Variants in MEIS1 observed in about 807,000 individuals in gnomAD.
The protein encoded by MEIS1 is homeobox protein Meis1.
MEIS1 carries 5 observed loss-of-function variants against 50.8 expected under a neutral mutation model. The ratio of observed to expected loss-of-function variants is 0.10; its 90% CI spans 0.05 to 0.21. The LOEUF (loss-of-function observed/expected upper bound fraction) is 0.21, where lower values mean the gene tolerates loss of function less well. MEIS1 is among the 10% of genes least tolerant of loss of function. MEIS1 has a pLI of 1.00. For synonymous variants in MEIS1, 176 were observed against 179.3 expected (o/e 0.98, Z 0.15); for missense variants, 318 against 517.3 (o/e 0.61, Z 3.74).
chr2:66,526,687 A>G (rs1202554992), intron 8 of MEIS1, among the ~76,000 whole-genome samples: 1 of 152,158 alleles, frequency 6.6e-6, no homozygotes, highest in Non-Finnish European at 1.5e-5. Flanking sequence ...TGAAGACCAA[A>G]TTTTCACAAA....
In MEIS1 at chr2:66,573,511, A is replaced by G. The variant is rs979157949; in HGVS notation, c.*2303A>G. The G allele has an allele frequency of 5.9e-5, 9 of 152,166 alleles. No individual in the cohort carries two copies. The highest frequency in any genetic ancestry group is 1.9e-4 in the African/African-American group (8 of 41,436). The allele number at this position is 152,166 out of a possible 1,614,324, so 9.4% of individuals were successfully genotyped here. ...CTATAAACCGGCCCTTAGCAATTCT[A>G]TTTTCTATTCGAAAAGAGAAACCAG... On this transcript the variant is annotated 3_prime_UTR_variant, in exon 13 of 13. Transcript: ENST00000272369.
rs778905513 is a variant in MEIS1, at chr2:66,464,063, G to T, written c.631-46G>T. ...ATGCCATGGGATCCTACCAATAAGG[G>T]TTCACAGATGCCTCTTATTTGGGTT... On this transcript the variant is annotated intron_variant, in intron 6 of 12. Coordinates refer to ENST00000272369, the MANE Select transcript of MEIS1 (RefSeq NM_002398.3). 3.6e-6 allele frequency: 5 copies of T among 1,393,932 alleles called. No homozygotes were observed. In the African/African-American group the frequency reaches 5.7e-5, roughly 16 times the overall value. The allele number at this position is 1,393,932 out of a possible 1,614,324, so 86.3% of individuals were successfully genotyped here. A position where few individuals can be genotyped will look rare whatever the true frequency, so the allele number is the denominator to read the frequency against.
chr2:66,504,993 G>C (rs753965627), intron 7 of MEIS1, among the ~76,000 whole-genome samples: 2 of 152,172 alleles, frequency 1.3e-5, no homozygotes, highest in Non-Finnish European at 2.9e-5. Context: ...CAAAAGTGAG[G>C]CCAAGGAGTT....
intron 7 of MEIS1, among the ~76,000 whole-genome samples, chr2:66,472,319 T>TAA (rs1672780807): frequency 6.6e-6 from 1 of 152,164 alleles, no homozygotes. Flanking sequence ...CCCAAGGAGA[T>TAA]AAAAAGAGTT....
chr2:66,525,307 T>C (rs1295363720), intron 8 of MEIS1, among the ~76,000 whole-genome samples: 1 of 152,184 alleles, frequency 6.6e-6, no homozygotes, highest in Non-Finnish European at 1.5e-5. Flanking sequence ...TTTTTAAAAA[T>C]GTAGATTCTG....
At chr2:66,483,216 A>ATTT (rs774480552) in intron 7 of MEIS1, among the ~76,000 whole-genome samples, 1 of 121,194 alleles carries the variant, frequency 8.3e-6, no homozygotes, top group African/African-American at 3.1e-5. Flanking sequence ...AGTTATGCTT[A>ATTT]TTTTTTTTTT....
chr2:66,459,514 C>G (rs956048699), intron 6 of MEIS1, among the ~76,000 whole-genome samples: 2 of 152,166 alleles, frequency 1.3e-5, no homozygotes, highest in Non-Finnish European at 1.5e-5. Flanking sequence ...AAACTGACAC[C>G]ATGTCTGACC....
intron 10 of MEIS1, 132 bp from the exon 11 acceptor site, chr2:66,568,535 A>G (rs1366980975): frequency 4.4e-6 from 3 of 675,772 alleles, no homozygotes; most frequent in Non-Finnish European, 7.7e-6. Context: ...TTCACTTTGA[A>G]TGTTTAAAAA....
chr2:66,440,565 C>A lies in MEIS1; in HGVS notation c.385C>A (p.Arg129Ser). 2 of 1,612,620 alleles carry A rather than the reference C, an allele frequency of 1.2e-6. No individual in the cohort carries two copies. The highest frequency in any genetic ancestry group is 1.7e-6 in the Non-Finnish European group (2 of 1,179,194). Reference sequence around the variant, plus strand: ...TCTCCTTCTCACTTGTATTTAGATTCGCGCAGAAAAACCTCTATTTTCTTC... The same window carrying A: ...TCTCCTTCTCACTTGTATTTAGATTAGCGCAGAAAAACCTCTATTTTCTTC... ...EDIAVFAKQI[R>S]AEKPLFSSNP... The change falls in exon 4 of 13, where the codon CGC (arginine) becomes AGC (serine). Residue 129 changes from arginine (R) to serine (S), a missense_variant. By Grantham distance (110) the Arg-to-Ser change is moderately radical. Around this residue, in one of 6 missense-constraint regions of MEIS1, gnomAD observed 75 missense variants for 153.7 expected, o/e 0.49. Coordinates refer to ENST00000272369, the MANE Select transcript of MEIS1 (RefSeq NM_002398.3).
chr2:66,508,858 G>A (rs977273578), intron 7 of MEIS1: 1 of 377,656 alleles, frequency 2.6e-6, no homozygotes, highest in Non-Finnish European at 5.5e-6. Flanking sequence ...GAGGCTGTAA[G>A]CTTGTTTATG....
At chr2:66,548,278 C>T (rs1208784292) in intron 9 of MEIS1, among the ~76,000 whole-genome samples, 2 of 152,138 alleles carry the variant, frequency 1.3e-5, no homozygotes, top group Non-Finnish European at 2.9e-5. Context: ...TTCACATTCA[C>T]TATGGCTCTG....
intron 8 of MEIS1, among the ~76,000 whole-genome samples, chr2:66,530,354 G>A (rs1674359973): frequency 6.6e-6 from 1 of 152,172 alleles, no homozygotes; most frequent in African/African-American, 2.4e-5. Flanking sequence ...ATGTTAAAAT[G>A]AAGGTAATAG....
chr2:66,523,072 T>G (rs1359497845), intron 8 of MEIS1, among the ~76,000 whole-genome samples: 1 of 152,220 alleles, frequency 6.6e-6, no homozygotes, highest in Non-Finnish European at 1.5e-5. Flanking sequence ...GTGTGAGCAG[T>G]TTCCTAATTC....
chr2:66,436,489 T>C, intron 1 of MEIS1, among the ~76,000 whole-genome samples: 1 of 152,226 alleles, frequency 6.6e-6, no homozygotes, highest in East Asian at 1.9e-4. Context: ...CCATATTCCT[T>C]TTTCAATGGA....
At chr2:66,556,120 T>A (rs1028392092) in intron 9 of MEIS1, among the ~76,000 whole-genome samples, 2 of 152,228 alleles carry the variant, frequency 1.3e-5, no homozygotes, top group Admixed American at 1.3e-4. Context: ...GGCTGTCCTG[T>A]TCAATGCCCT....
At chr2:66,542,935 A>T (rs571780709) in intron 8 of MEIS1, among the ~76,000 whole-genome samples, 2 of 152,186 alleles carry the variant, frequency 1.3e-5, no homozygotes, top group East Asian at 3.9e-4. Flanking sequence ...ACTGCATTCT[A>T]CAGAGTCTGT....
Position 66,567,421 on chromosome 2 carries a change from A to C in MEIS1, c.966-32A>C, listed in dbSNP as rs1358741469. 5 of 1,607,108 alleles carry C rather than the reference A, an allele frequency of 3.1e-6. No homozygotes were observed. In the South Asian group the frequency reaches 5.5e-5, roughly 18 times the overall value. On this transcript the variant is annotated intron_variant, in intron 9 of 12. Coordinates refer to ENST00000272369, the MANE Select transcript of MEIS1 (RefSeq NM_002398.3). ...TCAACCCCCCCTTTTATTTTTAAGG[A>C]ATAACGATTTGTTTCACTTTCTTGG...
At chr2:66,527,008 C>T (rs551744190) in intron 8 of MEIS1, among the ~76,000 whole-genome samples, 4 of 152,268 alleles carry the variant, frequency 2.6e-5, no homozygotes, top group Admixed American at 2.6e-4. Flanking sequence ...CACTCAGCAA[C>T]ATTCATCACT....
chr2:66,439,659 G>A (rs1359508006), intron 2 of MEIS1, 184 bp from the exon 3 acceptor site: 2 of 1,538,658 alleles, frequency 1.3e-6, no homozygotes, highest in African/African-American at 2.7e-5. Flanking sequence ...CAGGGCTCCA[G>A]GAGGAAGGGG....
Sources: allele counts gnomAD v4.1 joint callset (sites outside exome capture counted in the v4.1 genomes callset), GRCh38; gene constraint gnomAD v4.1.1; regional missense constraint gnomAD v4.1.1; transcripts MANE v1.5; gene names NCBI Gene and HGNC (gene_info 2026-07-23, HGNC 2026-07-21).